Variants in GAP43 observed in about 807,000 individuals in gnomAD.
GAP43 encodes the protein growth associated protein 43.
In GAP43, 6 loss-of-function variants were observed where a neutral mutation model predicts 18.6. That is an observed-to-expected ratio of 0.32 (90% CI 0.18 to 0.64). The LOEUF is 0.64. Ranked by LOEUF, GAP43 falls within the 30% of genes least tolerant of loss-of-function variation. The pLI is 0.78. For synonymous variants in GAP43, 115 were observed against 111.4 expected (o/e 1.03, Z -0.20); for missense variants, 292 against 295.5 (o/e 0.99, Z 0.09).
At chr3:115,671,872 G>T (rs1221025284) in intron 1 of GAP43, among the ~76,000 whole-genome samples, 1 of 152,194 alleles carries the variant, frequency 6.6e-6, no homozygotes, top group Non-Finnish European at 1.5e-5. Context: ...GAAAAGAAGA[G>T]TGTAAGATCA....
At chr3:115,685,374 C>CCTTGG in intron 2 of GAP43, among the ~76,000 whole-genome samples, 1 of 152,270 alleles carries the variant, frequency 6.6e-6, no homozygotes, top group East Asian at 1.9e-4. Flanking sequence ...TTGCCAGGTT[C>CCTTGG]CTTGGCTTCC....
Position 115,721,227 on chromosome 3 carries a change from CCT to C in GAP43, c.*362_*363del, listed in dbSNP as rs34867539. Reference sequence around the variant, plus strand: ...GTGTGGCCCTGTGGGAGTCCACTTTCCTCTCTCTCTCTCTCTCTGTTCCAAGT... The same window carrying C: ...GTGTGGCCCTGTGGGAGTCCACTTTCCTCTCTCTCTCTCTCTGTTCCAAGT... On this transcript the variant is annotated 3_prime_UTR_variant, in exon 3 of 3. Coordinates refer to ENST00000305124, the MANE Select transcript of GAP43 (RefSeq NM_002045.4). 3.1e-3 allele frequency: 479 copies of C among 153,944 alleles called. No individual in the cohort carries two copies. The highest frequency in any genetic ancestry group is 0.013 in the Middle Eastern group (4 of 312). 9.5% of individuals were successfully genotyped at this position (153,944 alleles called of 1,614,324 possible).
chr3:115,695,229 T>C (rs1188895990), intron 2 of GAP43, among the ~76,000 whole-genome samples: 1 of 152,222 alleles, frequency 6.6e-6, no homozygotes, highest in East Asian at 1.9e-4. Context: ...TTTTTAAAAC[T>C]GGAACCTTAG....
At chr3:115,698,280 T>TATATATTATATATA (rs1709246372) in intron 2 of GAP43, among the ~76,000 whole-genome samples, 1 of 4,646 alleles carries the variant, frequency 2.2e-4, no homozygotes, top group Non-Finnish European at 4.5e-4. Context: ...ATATTATATA[T>TATATATTATATATA]AAATATAATA....
intron 1 of GAP43, among the ~76,000 whole-genome samples, chr3:115,668,510 C>G (rs546767104): frequency 1.3e-5 from 2 of 152,100 alleles, no homozygotes; most frequent in African/African-American, 4.8e-5. Context: ...TCGCAACCTC[C>G]GCCTCCTGGG....
intron 1 of GAP43, among the ~76,000 whole-genome samples, chr3:115,649,790 A>C (rs1488830325): frequency 1.3e-5 from 2 of 148,168 alleles, no homozygotes; most frequent in African/African-American, 5.0e-5. Flanking sequence ...AGTCTGAGCA[A>C]TATAGTGAGA....
intron 1 of GAP43, among the ~76,000 whole-genome samples, chr3:115,635,037 TCTTA>T (rs1266791242): frequency 1.3e-5 from 2 of 152,246 alleles, no homozygotes; most frequent in East Asian, 3.9e-4. Context: ...AATGATATTG[TCTTA>T]CTTAAAAAAC....
At position 115,698,169 on chromosome 3, in the gene GAP43, TA is replaced by T. The variant is rs1161553732; in HGVS notation, c.628+21560del. Reference sequence around the variant, plus strand: ...TATATTATATATAATATATAAAATATATTAAATAATATATATATTAAATATA... The same window carrying T: ...TATATTATATATAATATATAAAATATTTAAATAATATATATATTAAATATA... On this transcript the variant is annotated intron_variant, in intron 2 of 2. Transcript: ENST00000305124. Among the ~76,000 whole-genome samples the T allele has an allele frequency of 4.6e-3, 229 of 49,608 alleles. 14 individuals carry two copies. Among genetic ancestry groups the T allele is most frequent in the African/African-American group, 0.017 (216 of 12,902 alleles). 32.5% of individuals were successfully genotyped at this position (49,608 alleles called of 152,430 possible).
intron 1 of GAP43, among the ~76,000 whole-genome samples, chr3:115,637,868 C>A (rs1382390957): frequency 6.6e-6 from 1 of 152,016 alleles, no homozygotes; most frequent in African/African-American, 2.4e-5. Context: ...CTTATATCTT[C>A]TTTTTTTCAT....
At chr3:115,675,974 C>T (rs550565857) in intron 1 of GAP43, 39 bp from the exon 2 acceptor site, 2 of 1,553,468 alleles carry the variant, frequency 1.3e-6, no homozygotes, top group East Asian at 2.2e-5. Flanking sequence ...AGAAGAATGT[C>T]ATTGAAGCCC....
intron 1 of GAP43, among the ~76,000 whole-genome samples, chr3:115,637,485 C>T (rs940485902): frequency 3.9e-5 from 6 of 152,062 alleles, no homozygotes; most frequent in African/African-American, 1.4e-4. Context: ...CTTGATACTG[C>T]TGGCTTTTCC....
intron 2 of GAP43, among the ~76,000 whole-genome samples, chr3:115,698,131 A>T (rs371335243): frequency 0.62 from 23,698 of 38,528 alleles, 7,048 homozygotes; most frequent in East Asian, 0.85. Flanking sequence ...TATTATATAT[A>T]ATATATATAA....
chr3:115,681,919 A>C (rs908263827), intron 2 of GAP43, among the ~76,000 whole-genome samples: 2 of 152,226 alleles, frequency 1.3e-5, no homozygotes, highest in Admixed American at 1.3e-4. Context: ...AGAGTCTGAG[A>C]GGTCACATGC....
chr3:115,661,589 C>G (rs948963703), intron 1 of GAP43, among the ~76,000 whole-genome samples: 1 of 152,068 alleles, frequency 6.6e-6, no homozygotes, highest in East Asian at 1.9e-4. Flanking sequence ...CCCGGGTTCA[C>G]GCCGTTCTCC....
chr3:115,698,076 T>C (rs1472544519), intron 2 of GAP43, among the ~76,000 whole-genome samples: 2 of 65,994 alleles, frequency 3.0e-5, no homozygotes, highest in Non-Finnish European at 5.2e-5. Context: ...TTATATATAA[T>C]ATATAAAATA....
At chr3:115,711,860 C>T (rs1435183532) in intron 2 of GAP43, among the ~76,000 whole-genome samples, 1 of 152,054 alleles carries the variant, frequency 6.6e-6, no homozygotes, top group Non-Finnish European at 1.5e-5. Context: ...TAATTTTTAA[C>T]CTTTAGAAGT....
chr3:115,688,094 G>A (rs796320154), intron 2 of GAP43, among the ~76,000 whole-genome samples: 4 of 151,996 alleles, frequency 2.6e-5, no homozygotes, highest in African/African-American at 4.8e-5. Flanking sequence ...TTGGCTCACC[G>A]CAACCTCCGC....
intron 2 of GAP43, among the ~76,000 whole-genome samples, chr3:115,705,188 A>G (rs977618973): frequency 2.0e-5 from 3 of 152,186 alleles, no homozygotes; most frequent in African/African-American, 7.2e-5. Context: ...GCTTTTATTT[A>G]AAAATTTAAA....
chr3:115,638,560 A>T (rs914436310), intron 1 of GAP43, among the ~76,000 whole-genome samples: 1 of 149,538 alleles, frequency 6.7e-6, no homozygotes, highest in Non-Finnish European at 1.5e-5. Context: ...GATTTTTTTT[A>T]AAAAGTATTT....
Sources: gnomAD v4.1 joint callset for allele counts (sites outside exome capture counted in the v4.1 genomes callset) on GRCh38, gnomAD v4.1.1 for gene constraint, MANE v1.5 for transcripts, NCBI Gene and HGNC (gene_info 2026-07-23, HGNC 2026-07-21) for gene names.